Variants in ERN1 observed in about 807,000 individuals in gnomAD.
The protein encoded by ERN1 is serine/threonine-protein kinase/endoribonuclease IRE1.
In ERN1, 39 loss-of-function variants were observed where a neutral mutation model predicts 113.1. That is an observed-to-expected ratio of 0.34 (90% CI 0.27 to 0.45). The LOEUF is 0.45. Ranked by LOEUF, ERN1 falls within the 20% of genes least tolerant of loss-of-function variation. The probability of loss-of-function intolerance (pLI) is 1.00; values close to 1 mark genes in which losing one functional copy is unlikely to be tolerated. For synonymous variants in ERN1, 507 were observed against 515.9 expected (o/e 0.98, Z 0.23); for missense variants, 976 against 1,274.8 (o/e 0.77, Z 3.57).
Position 64,115,964 on chromosome 17 carries a change from T to G in ERN1, c.54+14012A>C, listed in dbSNP as rs557726946. On this transcript the variant is annotated intron_variant, in intron 1 of 21. Transcript: ENST00000433197. ...CATGCCCAAAATCCGCATAACAATT[T>G]GACAGAGTTTAGAAGTCCTAATGCC... Among the ~76,000 whole-genome samples the G allele has an allele frequency of 2.6e-5, 4 of 152,336 alleles. No individual in the cohort carries two copies. In the South Asian group the frequency reaches 8.3e-4, roughly 32 times the overall value.
In ERN1 at chr17:64,066,736, C is replaced by A; in HGVS notation, c.777G>T (p.Glu259Asp). Residue 259 changes from glutamate to aspartate, a missense_variant, in exon 8 of 22, where the codon GAG becomes GAT. Physicochemically the swap from Glu to Asp is conservative, Grantham distance 45 (BLOSUM62 2). Around this residue, in one of 5 missense-constraint regions of ERN1, gnomAD observed 459 missense variants for 581.2 expected, o/e 0.79. Transcript: ENST00000433197. ...ACTTCCACTTTGTGATGCGCCCCAC[C>A]TCCCCAGACATGAAGGTCAGATAGC... ...TLRYLTFMSG[E>D]VGRITKWKYP... 1 of 1,613,968 alleles carries A rather than the reference C, an allele frequency of 6.2e-7. No homozygotes were observed. Among genetic ancestry groups the A allele is most frequent in the African/African-American group, 1.3e-5 (1 of 75,040 alleles).
intron 6 of ERN1, among the ~76,000 whole-genome samples, chr17:64,070,806 C>T (rs182002996): frequency 4.6e-5 from 7 of 152,274 alleles, no homozygotes; most frequent in East Asian, 1.9e-4. Context: ...CTTTAAGTAT[C>T]GTTCAACAAT....
At chr17:64,120,442 C>T (rs1914925999) in intron 1 of ERN1, among the ~76,000 whole-genome samples, 1 of 152,040 alleles carries the variant, frequency 6.6e-6, no homozygotes, top group Admixed American at 6.5e-5. Context: ...ACTCCTGCAG[C>T]CCAGACAAAC....
intron 8 of ERN1, 35 bp downstream of exon 8, chr17:64,066,636 C>A: frequency 6.2e-7 from 1 of 1,608,814 alleles, no homozygotes; most frequent in Non-Finnish European, 8.5e-7. Flanking sequence ...ACGAAGGCCA[C>A]GGCCGCCCTC....
intron 4 of ERN1, among the ~76,000 whole-genome samples, chr17:64,075,871 G>A (rs2077041): frequency 4.6e-5 from 7 of 152,102 alleles, no homozygotes; most frequent in Admixed American, 2.6e-4. Flanking sequence ...CCATGGGAGG[G>A]AGCCAGGACA....
At chr17:64,127,523 G>C (rs1410033042) in intron 1 of ERN1, among the ~76,000 whole-genome samples, 1 of 152,176 alleles carries the variant, frequency 6.6e-6, no homozygotes, top group African/African-American at 2.4e-5. Context: ...GAAGGCCAAG[G>C]TGGGTGGATC....
At chr17:64,074,514 A>G (rs1015230726) in intron 5 of ERN1, among the ~76,000 whole-genome samples, 8 of 152,258 alleles carry the variant, frequency 5.3e-5, no homozygotes, top group Admixed American at 1.3e-4. Context: ...CTTGAGACCC[A>G]GAAATACACA....
intron 2 of ERN1, among the ~76,000 whole-genome samples, chr17:64,084,666 G>T (rs938953629): frequency 6.6e-6 from 1 of 152,206 alleles, no homozygotes; most frequent in Non-Finnish European, 1.5e-5. Flanking sequence ...AAGCTTCTCT[G>T]TGACTCAAAA....
Position 64,055,823 on chromosome 17 carries a change from G to A in ERN1, c.1524C>T (p.Gly508=), listed in dbSNP as rs1399660117. ...FHPPGDTAQD[G]ELLDTSGPYS... is the part of the protein sequence containing the mutation. ...ACGGGCCAGACGTGTCCAGGAGCTC[G>A]CCGTCCTGAGCCGTGTCTCCAGGTG... The change falls in exon 13 of 22, where the codon GGC becomes GGT. Residue 508 remains glycine, a synonymous_variant. Coordinates refer to ENST00000433197, the MANE Select transcript of ERN1 (RefSeq NM_001433.5). 9.6e-6 allele frequency: 15 copies of A among 1,559,296 alleles called. No homozygotes were observed. Among genetic ancestry groups the A allele is most frequent in the East Asian group, 9.6e-5 (4 of 41,706 alleles).
In ERN1 at chr17:64,046,553, T is replaced by C. The variant is rs114674584; in HGVS notation, c.2530-1071A>G. The stretch of plus-strand genomic sequence containing the variant: ...CCATGGACACAGTGACCAATCCATA[T>C]GCTACAACATGGAAGACAGCATTAA... On this transcript the variant is annotated intron_variant, in intron 19 of 21. Coordinates refer to ENST00000433197, the MANE Select transcript of ERN1 (RefSeq NM_001433.5). Among the ~76,000 whole-genome samples, 688 of 152,330 alleles carry C rather than the reference T, an allele frequency of 4.5e-3. 2 individuals are homozygous for C. Among genetic ancestry groups the C allele is most frequent in the African/African-American group, 0.016 (653 of 41,572 alleles).
chr17:64,094,531 C>T (rs1914176126), intron 2 of ERN1, among the ~76,000 whole-genome samples: 1 of 151,950 alleles, frequency 6.6e-6, no homozygotes. Context: ...CCCTCCTGCC[C>T]TGTATGACTG....
At chr17:64,100,525 T>C (rs1165464033) in intron 1 of ERN1, among the ~76,000 whole-genome samples, 1 of 151,542 alleles carries the variant, frequency 6.6e-6, no homozygotes, top group Non-Finnish European at 1.5e-5. Flanking sequence ...AATCCCAACA[T>C]TTTGGGAGGC....
intron 5 of ERN1, 104 bp downstream of exon 5, chr17:64,075,071 G>T: frequency 1.1e-6 from 1 of 942,474 alleles, no homozygotes; most frequent in Non-Finnish European, 1.7e-6. Context: ...GGAAAGAAAG[G>T]GTTGGCAAGG....
intron 2 of ERN1, among the ~76,000 whole-genome samples, chr17:64,081,017 C>A (rs1469773023): frequency 2.0e-5 from 3 of 152,180 alleles, no homozygotes; most frequent in African/African-American, 7.2e-5. Flanking sequence ...CAAATGTAAG[C>A]TCTTGGATAG....
chr17:64,086,594 T>C (rs1913931502), intron 2 of ERN1, among the ~76,000 whole-genome samples: 1 of 151,674 alleles, frequency 6.6e-6, no homozygotes, highest in East Asian at 1.9e-4. Context: ...TGTACGAGTG[T>C]TTATTTGGAC....
At chr17:64,127,022 A>C (rs2143516366) in intron 1 of ERN1, among the ~76,000 whole-genome samples, 1 of 152,338 alleles carries the variant, frequency 6.6e-6, no homozygotes, top group Non-Finnish European at 1.5e-5. Context: ...GACAGTGATG[A>C]TGTAACCCTA....
chr17:64,107,514 G>A (rs999062110), intron 1 of ERN1, among the ~76,000 whole-genome samples: 2 of 151,906 alleles, frequency 1.3e-5, no homozygotes, highest in Non-Finnish European at 2.9e-5. Context: ...TAGAGATGGG[G>A]TCCTACTATG....
At chr17:64,045,777 G>T (rs1305907170) in intron 19 of ERN1, among the ~76,000 whole-genome samples, 1 of 152,192 alleles carries the variant, frequency 6.6e-6, no homozygotes, top group Non-Finnish European at 1.5e-5. Context: ...CACGCCATGT[G>T]TACGGAGCCG....
At position 64,082,974 on chromosome 17, in the gene ERN1, G is replaced by A. The variant is rs189176930; in HGVS notation, c.176-2166C>T. Among the ~76,000 whole-genome samples, 142 of 152,242 alleles carry A rather than the reference G, an allele frequency of 9.3e-4. 1 individual carries two copies. The highest frequency in any genetic ancestry group is 3.2e-3 in the African/African-American group (132 of 41,532). On this transcript the variant is annotated intron_variant, in intron 2 of 21. Transcript: ENST00000433197. ...TAAGCCTCTTCAAAGCTGCAGCCCAGGTAAAGACACAATTATTAAGACAGT... is the reference window on the plus strand; with the variant it reads ...TAAGCCTCTTCAAAGCTGCAGCCCAAGTAAAGACACAATTATTAAGACAGT...
Sources: gnomAD v4.1 joint callset for allele counts (sites outside exome capture counted in the v4.1 genomes callset) on GRCh38, gnomAD v4.1.1 for gene constraint, gnomAD v4.1.1 regional missense constraint, MANE v1.5 for transcripts, NCBI Gene and HGNC (gene_info 2026-07-23, HGNC 2026-07-21) for gene names.